The following TMEM25 variants were observed in gnomAD, a reference collection of about 807,000 sequenced individuals.
TMEM25 encodes the protein transmembrane protein 25.
Under a neutral mutation model 37.0 loss-of-function variants are expected in TMEM25, and 36 were observed. The ratio of observed to expected loss-of-function variants is 0.97; its 90% CI spans 0.75 to 1.28. The LOEUF (loss-of-function observed/expected upper bound fraction) is 1.28. Among genes scored for constraint, TMEM25 ranks in the 50% most tolerant of loss-of-function variants. TMEM25 has a pLI of 0.00. For missense variants in TMEM25, 444 were observed against 477.9 expected, an observed-to-expected ratio of 0.93 and a Z score of 0.66; for synonymous variants, 197 against 203.7, an observed-to-expected ratio of 0.97 and a Z score of 0.28.
rs1463664135 is a variant in TMEM25 at position 118,533,561 on chromosome 11, G to A, written c.805+10G>A. On this transcript the variant is annotated intron_variant, in intron 5 of 8. Coordinates refer to ENST00000313236, the MANE Select transcript of TMEM25 (RefSeq NM_032780.4). ...GAGAAGAAAACCAAAGGTAGGCCAG[G>A]GACACTGGGGGCAGTGTGGATGAGG... 5 of 1,613,800 alleles carry A rather than the reference G, an allele frequency of 3.1e-6. No homozygotes were observed. The Admixed American group carries it at 6.7e-5, about 22-fold the overall frequency.
Position 118,534,446 on chromosome 11 carries a change from G to A in TMEM25, c.1028-61G>A. ...TCCAAGTGCCCAGGAGGCAGAGAGA[G>A]CTCTCCAAATTCCAAGGAACAAGCG... is the stretch of plus-strand genomic sequence containing the variant. On this transcript the variant is annotated intron_variant, in intron 8 of 8. Coordinates refer to ENST00000313236, the MANE Select transcript of TMEM25 (RefSeq NM_032780.4). The surrounding 1 kb of genome is among the most constrained non-coding windows in gnomAD (Gnocchi z 4.6). The A allele has an allele frequency of 6.2e-7, 1 of 1,611,394 alleles. No individual in the cohort carries two copies. The highest frequency in any genetic ancestry group is 8.5e-7 in the Non-Finnish European group (1 of 1,178,560).
intron 3 of TMEM25, 90 bp from the exon 4 acceptor site, chr11:118,532,827 A>C (rs1232382138): frequency 2.0e-6 from 3 of 1,521,620 alleles, no homozygotes; most frequent in African/African-American, 1.4e-5. Context: ...GGAGAGGCCC[A>C]GGCCCCTGGC....
At chr11:118,542,813 T>C (rs530092002) in intron 8 of TMEM25, among the ~76,000 whole-genome samples, 1 of 149,702 alleles carries the variant, frequency 6.7e-6, no homozygotes, top group Non-Finnish European at 1.5e-5. Context: ...CTGGGGAGGC[T>C]GAGGCAGGAG....
chr11:118,540,020 CA>C (rs200560621), downstream of TMEM25, among the ~76,000 whole-genome samples: 2,166 of 80,380 alleles, frequency 0.027, 39 homozygotes, highest in African/African-American at 0.061. Flanking sequence ...GACTCCGTCT[CA>C]AAAAAAAAAA....
Position 118,532,396 on chromosome 11 carries a change from A to T in TMEM25, c.317A>T (p.Asn106Ile). Residue 106 changes from asparagine to isoleucine, a missense_variant, in exon 3 of 9, where the codon AAC (asparagine) becomes ATC (isoleucine). By Grantham distance (149) the Asn-to-Ile change is moderately radical. Transcript: ENST00000313236. ...VTAHRAQHEL[N>I]CSLQDPRSGR... ...GCCCATCGGGCCCAGCATGAGCTCA[A>T]CTGCTCTCTGCAGGACCCCAGAAGT... The T allele has an allele frequency of 6.2e-7, 1 of 1,612,692 alleles. No individual in the cohort carries two copies. Among genetic ancestry groups the T allele is most frequent in the Non-Finnish European group, 8.5e-7 (1 of 1,179,214 alleles).
rs148517560 is a variant in TMEM25, at chr11:118,545,318, C to T, written c.1028-801C>T. On this transcript the variant is annotated intron_variant, in intron 8 of 8. Coordinates refer to the TMEM25 transcript ENST00000354284. Reference sequence around the variant, plus strand: ...GTAACTGGGCAGAGACATCCTACATCGCTATAGGATGCAATCACAGCAGGC... The same window carrying T: ...GTAACTGGGCAGAGACATCCTACATTGCTATAGGATGCAATCACAGCAGGC... 716 of 952,468 alleles carry T rather than the reference C, an allele frequency of 7.5e-4. 2 individuals carry two copies. In the African/African-American group the frequency reaches 9.8e-3, roughly 13 times the overall value. The allele number at this position is 952,468 out of a possible 1,614,324, so 59.0% of individuals were successfully genotyped here.
In TMEM25 at chr11:118,535,648, GGAGACC is replaced by G; in HGVS notation, c.*1069_*1074del. Reference sequence around the variant, plus strand: ...GCTTTAGGGGAACATGGAGAAAGAAGGAGACCACATACCCCAAAGTGACCTAAGAAC... The same window carrying G: ...GCTTTAGGGGAACATGGAGAAAGAAGACATACCCCAAAGTGACCTAAGAAC... On this transcript the variant is annotated 3_prime_UTR_variant, in exon 9 of 9. Coordinates refer to ENST00000313236, the MANE Select transcript of TMEM25 (RefSeq NM_032780.4). The G allele has an allele frequency of 6.6e-7, 1 of 1,518,840 alleles. No individual in the cohort carries two copies. The highest frequency in any genetic ancestry group is 8.8e-7 in the Non-Finnish European group (1 of 1,134,148). The allele number at this position is 1,518,840 out of a possible 1,614,324, so 94.1% of individuals were successfully genotyped here.
downstream of TMEM25, among the ~76,000 whole-genome samples, chr11:118,536,214 A>T: frequency 7.6e-6 from 1 of 131,250 alleles, no homozygotes; most frequent in Non-Finnish European, 1.6e-5. Context: ...TTTTTTTGAG[A>T]CAGAGTTTTG....
At chr11:118,536,890 C>T (rs1465404917), downstream of TMEM25, among the ~76,000 whole-genome samples, 3 of 152,026 alleles carry the variant, frequency 2.0e-5, no homozygotes, top group Non-Finnish European at 2.9e-5. Context: ...CAAGAGAGCA[C>T]GTGTGTGTGT....
chr11:118,532,545 T>G lies in TMEM25; in HGVS notation c.382+84T>G. 4 of 1,457,234 alleles carry G rather than the reference T, an allele frequency of 2.7e-6. No individual in the cohort carries two copies. The East Asian group carries it at 9.3e-5, about 34-fold the overall frequency. The allele number at this position is 1,457,234 out of a possible 1,614,324, so 90.3% of individuals were successfully genotyped here. A position where few individuals can be genotyped will look rare whatever the true frequency, so the allele number is the denominator to read the frequency against. ...CACCAGGCAGGTGGTCCGCAGGACA[T>G]TTAGCAGACACTTAAGCACTTTGCA... On this transcript the variant is annotated intron_variant, in intron 3 of 8. Transcript: ENST00000313236.
downstream of TMEM25, among the ~76,000 whole-genome samples, chr11:118,537,786 C>T (rs531724333): frequency 6.6e-6 from 1 of 152,254 alleles, no homozygotes; most frequent in East Asian, 1.9e-4. Context: ...TGTGGTGACT[C>T]ATACCTGTAA....
At chr11:118,531,382 G>A (rs542107698) in intron 1 of TMEM25, 148 bp downstream of exon 1, 47 of 354,900 alleles carry the variant, frequency 1.3e-4, no homozygotes, top group African/African-American at 9.7e-4. Flanking sequence ...CAGGGCAGGA[G>A]AGAGGATGGG....
downstream of TMEM25, among the ~76,000 whole-genome samples, chr11:118,537,644 C>T (rs1951528526): frequency 6.6e-6 from 1 of 152,178 alleles, no homozygotes; most frequent in Admixed American, 6.5e-5. Context: ...GTGAATAGTG[C>T]AGCAATAAAC....
At position 118,545,024 on chromosome 11, in the gene TMEM25, G is replaced by A. The variant is rs111547349; in HGVS notation, c.1028-1095G>A. The A allele has an allele frequency of 2.5e-3, 3,906 of 1,575,856 alleles. 85 individuals are homozygous for A. The African/African-American group carries it at 0.047, about 19-fold the overall frequency. ...GAGCTTTAAAATGCTGCAAGGAAGA[G>A]GAGAGGGAATATTGAGTATTAGGGA... On this transcript the variant is annotated intron_variant, in intron 8 of 8. Transcript: ENST00000354284.
intron 8 of TMEM25, among the ~76,000 whole-genome samples, chr11:118,542,113 T>C (rs1555065612): frequency 6.6e-6 from 1 of 152,216 alleles, no homozygotes; most frequent in African/African-American, 2.4e-5. Context: ...GTTCCTGCGT[T>C]AATTCGCTTA....
intron 8 of TMEM25, chr11:118,545,307 A>G: frequency 1.1e-6 from 1 of 874,904 alleles, no homozygotes; most frequent in Non-Finnish European, 1.9e-6. Flanking sequence ...CTGGGCAGAG[A>G]CATCCTACAT....
chr11:118,546,288 A>T (rs1182214893), exon 9 of TMEM25: 8 of 642,988 alleles, frequency 1.2e-5, no homozygotes, highest in Non-Finnish European at 2.3e-5. Context: ...GCCTGAGCCT[A>T]GGAGTTCGAG....
At chr11:118,532,772 C>G (rs1265306809) in intron 3 of TMEM25, 145 bp from the exon 4 acceptor site, 2 of 1,186,588 alleles carry the variant, frequency 1.7e-6, no homozygotes, top group Non-Finnish European at 2.4e-6. Context: ...GAAATGCTGC[C>G]TCTCTGGCAG....
chr11:118,546,086 G>T (rs1951677551), intron 8 of TMEM25: 2 of 717,608 alleles, frequency 2.8e-6, no homozygotes, highest in Non-Finnish European at 5.2e-6. Flanking sequence ...CATTAGGGTG[G>T]GCCTTAATCC....
Sources: allele counts gnomAD v4.1 joint callset (sites outside exome capture counted in the v4.1 genomes callset), GRCh38; gene constraint gnomAD v4.1.1; non-coding constraint Gnocchi (gnomAD v3.1); transcripts MANE v1.5; gene names NCBI Gene and HGNC (gene_info 2026-07-23, HGNC 2026-07-21).